The following DLST variants were observed in gnomAD, a reference collection of about 807,000 sequenced individuals.
DLST encodes the protein dihydrolipoyllysine-residue succinyltransferase component of 2-oxoglutarate dehydrogenase complex, mitochondrial.
Under a neutral mutation model 53.1 loss-of-function variants are expected in DLST, and 17 were observed. That is an observed-to-expected ratio of 0.32 (90% CI 0.22 to 0.48). The LOEUF is 0.48. Among genes scored for constraint, DLST ranks in the 20% least tolerant of loss-of-function variants. The pLI is 0.99. For missense variants in DLST, 512 were observed against 583.9 expected (o/e 0.88, Z 1.27); for synonymous variants, 206 against 204.8 (o/e 1.01, Z -0.05).
intron 7 of DLST, chr14:74,891,941 C>A: frequency 2.6e-6 from 2 of 771,292 alleles, no homozygotes; most frequent in Non-Finnish European, 3.2e-6. Context: ...TTTGTCTTAG[C>A]ACTAACCCTG....
Position 74,893,348 on chromosome 14 carries a change from T to C in DLST, c.596T>C (p.Val199Ala), listed in dbSNP as rs1407470992. The change falls in exon 9 of 15, where the codon GTG becomes GCG. Residue 199 changes from valine (V) to alanine (A), a missense_variant and splice_region_variant. Around this residue, in one of 4 missense-constraint regions of DLST, gnomAD observed 162 missense variants for 162.0 expected, o/e 1.00. Coordinates refer to ENST00000334220, the MANE Select transcript of DLST (RefSeq NM_001933.5). ...SPSQPPSGKP[V>A]SAVKPTVAPP... is the part of the protein sequence containing the mutation. Reference sequence around the variant, plus strand: ...AGCTTTATCCTCTTTTCATTTTCAGTGTCTGCAGTAAAACCCACTGTTGCC... The same window carrying C: ...AGCTTTATCCTCTTTTCATTTTCAGCGTCTGCAGTAAAACCCACTGTTGCC... 1 of 1,614,196 alleles carries C rather than the reference T, an allele frequency of 6.2e-7. No homozygotes were observed. The highest frequency in any genetic ancestry group is 2.2e-5 in the East Asian group (1 of 44,888).
At position 74,892,878 on chromosome 14, in the gene DLST, G is replaced by A. The variant is rs1211632994; in HGVS notation, c.487G>A (p.Ala163Thr). The change falls in exon 8 of 15, where the codon GCC becomes ACC. Residue 163 changes from alanine to threonine, a missense_variant. Physicochemically the swap from Ala to Thr is moderately conservative, Grantham distance 58. Around this residue, in one of 4 missense-constraint regions of DLST, gnomAD observed 162 missense variants for 162.0 expected, o/e 1.00. Coordinates refer to ENST00000334220, the MANE Select transcript of DLST (RefSeq NM_001933.5). The stretch of plus-strand genomic sequence containing the variant: ...GCCGGCTGAAGCTCCTGCTGCTGCA[G>A]CCCCAAAAGCAGAACCTACAGCAGC... ...AKPAEAPAAA[A>T]PKAEPTAAAV... 4 of 1,613,832 alleles carry A rather than the reference G, an allele frequency of 2.5e-6. No homozygotes were observed. The highest frequency in any genetic ancestry group is 4.5e-5 in the East Asian group (2 of 44,874).
intron 1 of DLST, 47 bp from the exon 2 acceptor site, chr14:74,882,544 T>G: frequency 6.2e-7 from 1 of 1,607,608 alleles, no homozygotes; most frequent in Non-Finnish European, 8.5e-7. Flanking sequence ...AAAGCTGGGT[T>G]TTTTTTTCAT....
intron 8 of DLST, 61 bp downstream of exon 8, chr14:74,893,047 AGG>A: frequency 6.5e-7 from 1 of 1,543,988 alleles, no homozygotes; most frequent in Non-Finnish European, 8.7e-7. Flanking sequence ...GTTCCTTCAA[AGG>A]GTAAACTCTA....
chr14:74,890,231 G>A (rs1176310439), intron 6 of DLST, among the ~76,000 whole-genome samples: 3 of 148,080 alleles, frequency 2.0e-5, no homozygotes, highest in African/African-American at 5.0e-5. Context: ...GGGTTCAAGC[G>A]ATTCTCCTGC....
chr14:74,899,777 A>C (rs780498262), intron 11 of DLST, 146 bp from the exon 12 acceptor site: 1 of 603,680 alleles, frequency 1.7e-6, no homozygotes, highest in South Asian at 2.2e-5. Flanking sequence ...GCCAGCTGCC[A>C]TGCATAATGC....
chr14:74,887,729 A>G (rs534310757), intron 3 of DLST, among the ~76,000 whole-genome samples: 2 of 152,344 alleles, frequency 1.3e-5, no homozygotes, highest in African/African-American at 4.8e-5. Flanking sequence ...CAGCCTCTGC[A>G]CTTGCATGTT....
chr14:74,893,035 A>C, intron 8 of DLST, 49 bp downstream of exon 8: 1 of 1,570,308 alleles, frequency 6.4e-7, no homozygotes, highest in Non-Finnish European at 8.6e-7. Flanking sequence ...CTCGTCTAAT[A>C]TGTTCCTTCA....
rs1884204455 is a variant in DLST at position 74,900,340 on chromosome 14, A to G, written c.1027A>G (p.Ile343Val). 1 of 1,614,002 alleles carries G rather than the reference A, an allele frequency of 6.2e-7. No individual in the cohort carries two copies. The highest frequency in any genetic ancestry group is 1.7e-5 in the Admixed American group (1 of 60,030). ...RNVEAMNFAD[I>V]ERTITELGEK... Reference sequence around the variant, plus strand: ...TGTGGAAGCTATGAATTTTGCAGATATTGAACGGACCATCACTGAACTGGG... The same window carrying G: ...TGTGGAAGCTATGAATTTTGCAGATGTTGAACGGACCATCACTGAACTGGG... The change falls in exon 13 of 15, where the codon ATT becomes GTT. Residue 343 changes from isoleucine (I) to valine (V), a missense_variant. Ile to Val is a conservative substitution (Grantham distance 29, BLOSUM62 3). Coordinates refer to ENST00000334220, the MANE Select transcript of DLST (RefSeq NM_001933.5).
At chr14:74,882,308 T>G (rs1883549591) in intron 1 of DLST, among the ~76,000 whole-genome samples, 1 of 151,990 alleles carries the variant, frequency 6.6e-6, no homozygotes, top group Non-Finnish European at 1.5e-5. Flanking sequence ...TGACTCAGAG[T>G]TAGGGAGGAG....
chr14:74,896,747 G>A (rs141053582), intron 10 of DLST, among the ~76,000 whole-genome samples: 243 of 152,346 alleles, frequency 1.6e-3, no homozygotes, highest in African/African-American at 5.7e-3. Flanking sequence ...TACACAAATT[G>A]AATTGGACTT....
At chr14:74,893,744 G>C (rs1196683938) in intron 9 of DLST, among the ~76,000 whole-genome samples, 1 of 152,220 alleles carries the variant, frequency 6.6e-6, no homozygotes, top group African/African-American at 2.4e-5. Context: ...ACGCTTCAGA[G>C]AGGTGGTTTA....
At position 74,901,096 on chromosome 14, in the gene DLST, A is replaced by G. The variant is rs1436767281; in HGVS notation, c.1090A>G (p.Met364Val). The G allele has an allele frequency of 1.2e-6, 2 of 1,613,844 alleles. No individual in the cohort carries two copies. Among genetic ancestry groups the G allele is most frequent in the African/African-American group, 2.7e-5 (2 of 74,924 alleles). Residue 364 changes from methionine (M) to valine (V), a missense_variant, in exon 14 of 15, where the codon ATG becomes GTG. Physicochemically the swap from Met to Val is conservative, Grantham distance 21. Around this residue, in one of 4 missense-constraint regions of DLST, gnomAD observed 186 missense variants for 260.4 expected, o/e 0.71. Transcript: ENST00000334220. ...AAAGAATGAACTTGCCATTGAAGAT[A>G]TGGATGGCGGTACCTTCACCATTAG... ...ARKNELAIED[M>V]DGGTFTISNG... is the part of the protein sequence containing the mutation.
At chr14:74,885,979 G>A (rs1038747801) in intron 3 of DLST, 1 of 213,280 alleles carries the variant, frequency 4.7e-6, no homozygotes. Flanking sequence ...TACATTTATT[G>A]TGGAGATTGA....
At chr14:74,890,439 T>G (rs1025478919) in intron 6 of DLST, among the ~76,000 whole-genome samples, 18 of 152,324 alleles carry the variant, frequency 1.2e-4, no homozygotes, top group Middle Eastern at 6.8e-3. Context: ...TTAAATTGTT[T>G]GCTGTGTGTG....
chr14:74,891,885 G>A (rs1883920955), intron 7 of DLST: 2 of 984,676 alleles, frequency 2.0e-6, no homozygotes, highest in Non-Finnish European at 2.4e-6. Context: ...TAGAAAACAT[G>A]TATGGTAGAA....
rs759725590 is a variant in DLST, at chr14:74,899,994, CG to C, written c.975+1del. The C allele has an allele frequency of 1.2e-6, 2 of 1,612,562 alleles. No individual in the cohort carries two copies. Among genetic ancestry groups the C allele is most frequent in the African/African-American group, 1.3e-5 (1 of 74,856 alleles). ...IDISVAVATPRGLVVPVIRNV... is the reference protein window; with the variant it reads ...IDISVAVATPXGLVVPVIRNV... ...CATCAGTGTTGCAGTGGCCACCCCA[CG>C]GGTATGTTGGGGCAGGAGGTGGGGA... On this transcript the variant is annotated frameshift_variant and splice_region_variant, in exon 12 of 15. Coordinates refer to ENST00000334220, the MANE Select transcript of DLST (RefSeq NM_001933.5). LOFTEE classifies it high-confidence loss of function.
chr14:74,898,435 C>G lies in DLST; in HGVS notation c.837C>G (p.Gly279=). The change falls in exon 11 of 15, where the codon GGC becomes GGG. Residue 279 remains glycine (G), a synonymous_variant. Transcript: ENST00000334220. ...TGAAGAAACATAACCTCAAACTAGG[C>G]TTCATGTCGGCATTTGTGAAGGCCT... The part of the protein sequence containing the change: ...AFLKKHNLKL[G]FMSAFVKASA... 1 of 1,613,888 alleles carries G rather than the reference C, an allele frequency of 6.2e-7. No individual in the cohort carries two copies. The highest frequency in any genetic ancestry group is 8.5e-7 in the Non-Finnish European group (1 of 1,180,026).
At chr14:74,899,842 T>C (rs1404578292) in intron 11 of DLST, 81 bp from the exon 12 acceptor site, 4 of 1,124,020 alleles carry the variant, frequency 3.6e-6, no homozygotes, top group Non-Finnish European at 2.6e-6. Context: ...TGCAGATTTT[T>C]ACTCTGTTAA....
Sources: gnomAD v4.1 joint callset for allele counts (sites outside exome capture counted in the v4.1 genomes callset) on GRCh38, gnomAD v4.1.1 for gene constraint, gnomAD v4.1.1 regional missense constraint, MANE v1.5 for transcripts, NCBI Gene and HGNC (gene_info 2026-07-23, HGNC 2026-07-21) for gene names.